FAM171A1: variants seen among roughly 807,000 people sequenced by gnomAD.
The protein encoded by FAM171A1 is protein FAM171A1.
FAM171A1 carries 23 observed loss-of-function variants against 74.9 expected under a neutral mutation model. The observed-to-expected ratio is 0.31, with a 90% CI of 0.22 to 0.44. FAM171A1 has a LOEUF of 0.44. Among genes scored for constraint, FAM171A1 ranks in the 20% least tolerant of loss-of-function variants. FAM171A1 has a pLI of 1.00. For missense variants in FAM171A1, 1,162 were observed against 1,159.2 expected, an observed-to-expected ratio of 1.00 and a Z score of -0.03; for synonymous variants, 527 against 505.7, an observed-to-expected ratio of 1.04 and a Z score of -0.57.
At chr10:15,345,191 G>A (rs991117557) in intron 1 of FAM171A1, among the ~76,000 whole-genome samples, 13 of 152,208 alleles carry the variant, frequency 8.5e-5, no homozygotes, top group African/African-American at 2.9e-4. Context: ...AAATTGGTAC[G>A]ATCACATTGA....
At chr10:15,337,934 G>A (rs1835723457) in intron 1 of FAM171A1, among the ~76,000 whole-genome samples, 1 of 152,076 alleles carries the variant, frequency 6.6e-6, no homozygotes, top group African/African-American at 2.4e-5. Flanking sequence ...CTGGGTGACA[G>A]AGCGAGACTC....
chr10:15,240,832 G>A (rs1257961896), intron 5 of FAM171A1: 1 of 684,432 alleles, frequency 1.5e-6, no homozygotes, highest in Non-Finnish European at 1.8e-6. Flanking sequence ...TTGAGGGCAG[G>A]AGTCTGAGAC....
At chr10:15,246,426 A>G in intron 5 of FAM171A1, among the ~76,000 whole-genome samples, 1 of 152,238 alleles carries the variant, frequency 6.6e-6, no homozygotes, top group Admixed American at 6.5e-5. Flanking sequence ...TGATTCGAGG[A>G]ATTAGATATC....
Position 15,214,557 on chromosome 10 carries a change from A to G in FAM171A1, c.1031T>C (p.Leu344Pro), listed in dbSNP as rs745602319. ...TTTGGAACTCTCCAGTCCTGCAGGG[A>G]GCTGCAGTTTTCTGTGGTGCTGACG... is the stretch of plus-strand genomic sequence containing the variant. ...KPRQHHRKLQ[L>P]PAGLESSKRD... The change falls in exon 8 of 8, where the codon CTC becomes CCC. Residue 344 changes from leucine to proline, a missense_variant. By Grantham distance (98) the Leu-to-Pro change is moderately conservative. Transcript: ENST00000378116. 1 of 1,612,818 alleles carries G rather than the reference A, an allele frequency of 6.2e-7. No individual in the cohort carries two copies. Among genetic ancestry groups the G allele is most frequent in the African/African-American group, 1.3e-5 (1 of 74,966 alleles).
chr10:15,337,537 T>C (rs1423232806), intron 1 of FAM171A1, among the ~76,000 whole-genome samples: 2 of 150,616 alleles, frequency 1.3e-5, no homozygotes, highest in Non-Finnish European at 3.0e-5. Context: ...ACGCCTGTAA[T>C]CCCAGCACTT....
intron 1 of FAM171A1, among the ~76,000 whole-genome samples, chr10:15,348,934 T>C (rs531358890): frequency 6.6e-6 from 1 of 152,358 alleles, no homozygotes; most frequent in South Asian, 2.1e-4. Flanking sequence ...TGTTTTCCTT[T>C]GTTTTATTCA....
chr10:15,267,981 G>A (rs894836361), intron 3 of FAM171A1, among the ~76,000 whole-genome samples: 5 of 152,240 alleles, frequency 3.3e-5, no homozygotes, highest in African/African-American at 9.6e-5. Context: ...GGATGTTGAA[G>A]GTGGCTGTGA....
chr10:15,310,167 C>T (rs1020488976), intron 1 of FAM171A1, among the ~76,000 whole-genome samples: 7 of 152,164 alleles, frequency 4.6e-5, no homozygotes, highest in African/African-American at 1.7e-4. Flanking sequence ...GGGGCAGGTG[C>T]AGACTGGGGG....
chr10:15,216,337 C>A (rs564081386), intron 6 of FAM171A1, among the ~76,000 whole-genome samples: 2 of 152,328 alleles, frequency 1.3e-5, no homozygotes, highest in South Asian at 4.1e-4. Context: ...TTTGAATACT[C>A]AAAGACAAGA....
At chr10:15,353,296 C>T (rs1485011316) in intron 1 of FAM171A1, among the ~76,000 whole-genome samples, 2 of 152,174 alleles carry the variant, frequency 1.3e-5, no homozygotes, top group Admixed American at 6.5e-5. Flanking sequence ...AATAGTTTGA[C>T]GCCGCCCTTT....
intron 1 of FAM171A1, among the ~76,000 whole-genome samples, chr10:15,360,099 T>A (rs559869121): frequency 2.7e-3 from 411 of 151,766 alleles, no homozygotes; most frequent in Non-Finnish European, 5.0e-3. Flanking sequence ...GCCTGGCTAA[T>A]TTTTTTTATT....
At chr10:15,354,577 G>GA (rs1835912982) in intron 1 of FAM171A1, among the ~76,000 whole-genome samples, 1 of 152,136 alleles carries the variant, frequency 6.6e-6, no homozygotes, top group African/African-American at 2.4e-5. Flanking sequence ...GACGCCTGGG[G>GA]AGCCAGGCCC....
intron 5 of FAM171A1, among the ~76,000 whole-genome samples, chr10:15,237,148 C>G (rs917818494): frequency 2.6e-5 from 4 of 152,128 alleles, no homozygotes; most frequent in African/African-American, 9.7e-5. Flanking sequence ...AGATAATCCA[C>G]AAAGTGAATA....
chr10:15,333,599 C>A (rs559007302), intron 1 of FAM171A1, among the ~76,000 whole-genome samples: 3 of 152,032 alleles, frequency 2.0e-5, no homozygotes, highest in Non-Finnish European at 4.4e-5. Flanking sequence ...GAGGCTGAGT[C>A]GGGAGGTTGC....
intron 1 of FAM171A1, among the ~76,000 whole-genome samples, chr10:15,301,138 T>C (rs940569715): frequency 5.3e-5 from 8 of 152,294 alleles, no homozygotes; most frequent in Admixed American, 4.6e-4. Context: ...GTGGGCAAGA[T>C]ACTGACTGTG....
chr10:15,269,967 C>T (rs969759634), intron 3 of FAM171A1, among the ~76,000 whole-genome samples: 2 of 152,216 alleles, frequency 1.3e-5, no homozygotes, highest in African/African-American at 4.8e-5. Flanking sequence ...TCTACAGCTC[C>T]CAAGGTGAGC....
At chr10:15,218,774 T>G (rs919906717) in intron 6 of FAM171A1, among the ~76,000 whole-genome samples, 8 of 152,070 alleles carry the variant, frequency 5.3e-5, no homozygotes, top group Admixed American at 5.2e-4. Context: ...AAAAAAAATT[T>G]TTTTAGAAGT....
chr10:15,218,264 A>G (rs1833992720), intron 6 of FAM171A1, among the ~76,000 whole-genome samples: 1 of 151,872 alleles, frequency 6.6e-6, no homozygotes, highest in Non-Finnish European at 1.5e-5. Flanking sequence ...TATTTTTAGT[A>G]GAGACAGGGT....
intron 1 of FAM171A1, among the ~76,000 whole-genome samples, chr10:15,368,902 C>G (rs1026910702): frequency 3.9e-5 from 6 of 152,264 alleles, no homozygotes; most frequent in Non-Finnish European, 5.9e-5. Flanking sequence ...ATGCTGCTAG[C>G]TCAAAATCCA....
Sources: gnomAD v4.1 joint callset for allele counts (sites outside exome capture counted in the v4.1 genomes callset) on GRCh38, gnomAD v4.1.1 for gene constraint, MANE v1.5 for transcripts, NCBI Gene and HGNC (gene_info 2026-07-23, HGNC 2026-07-21) for gene names.